SEC23A: variants seen among roughly 807,000 people sequenced by gnomAD.
SEC23A encodes protein transport protein Sec23A.
A neutral mutation model predicts 103.7 loss-of-function variants in SEC23A; 56 were observed. The ratio of observed to expected loss-of-function variants is 0.54; its 90% CI spans 0.44 to 0.67. The LOEUF (loss-of-function observed/expected upper bound fraction) is 0.67, where lower values mean the gene tolerates loss of function less well. SEC23A is among the 30% of genes least tolerant of loss of function. The pLI is 0.00. For missense variants in SEC23A, 784 were observed against 936.4 expected (o/e 0.84, Z 2.12); for synonymous variants, 281 against 293.0 (o/e 0.96, Z 0.42).
intron 7 of SEC23A, among the ~76,000 whole-genome samples, chr14:39,084,004 A>C (rs1423517126): frequency 6.6e-6 from 1 of 152,082 alleles, no homozygotes; most frequent in Non-Finnish European, 1.5e-5. Flanking sequence ...TTTTTAAAAA[A>C]CATTTTTAAA....
Position 39,094,393 on chromosome 14 carries a change from CACACATATAT to C in SEC23A, c.222-1159_222-1150del, listed in dbSNP as rs1199470251. 5.1e-3 allele frequency among the ~76,000 whole-genome samples: 122 copies of C among 23,950 alleles called. 21 individuals are homozygous for C. The highest frequency in any genetic ancestry group is 0.026 in the East Asian group (17 of 652). The allele number at this position is 23,950 out of a possible 152,430, so 15.7% of individuals were successfully genotyped here. On this transcript the variant is annotated intron_variant, in intron 2 of 19. Transcript: ENST00000307712. ...ATATATACACACACACACACACACA[CACACATATAT>C]ATATATATATATATATATATATATA...
chr14:39,080,369 A>G (rs1887182653), intron 7 of SEC23A, among the ~76,000 whole-genome samples: 2 of 152,236 alleles, frequency 1.3e-5, no homozygotes, highest in South Asian at 4.1e-4. Context: ...TGGCTGAAAT[A>G]AAAAGCAAGC....
intron 2 of SEC23A, among the ~76,000 whole-genome samples, chr14:39,094,120 A>G (rs1476451082): frequency 2.0e-5 from 3 of 151,342 alleles, no homozygotes; most frequent in Non-Finnish European, 1.5e-5. Flanking sequence ...CTCCTGGCTC[A>G]AGTGTTTCTC....
At chr14:39,049,598 G>A (rs533868176) in intron 14 of SEC23A, among the ~76,000 whole-genome samples, 11 of 151,666 alleles carry the variant, frequency 7.3e-5, no homozygotes, top group South Asian at 4.2e-4. Context: ...GCAACATAGC[G>A]AGATCCTGTC....
intron 2 of SEC23A, chr14:39,094,904 A>C: frequency 3.0e-6 from 2 of 661,256 alleles, no homozygotes; most frequent in Admixed American, 2.5e-5. Context: ...GGCTTTATAG[A>C]TCTTGATAAG....
intron 15 of SEC23A, among the ~76,000 whole-genome samples, chr14:39,046,826 A>T (rs1295584017): frequency 6.6e-6 from 1 of 152,158 alleles, no homozygotes; most frequent in African/African-American, 2.4e-5. Flanking sequence ...GATCAGCCAG[A>T]AAGTATTCCC....
In SEC23A at chr14:39,048,160, A is replaced by G. The variant is rs117578999; in HGVS notation, c.1737+492T>C. Among the ~76,000 whole-genome samples, 260 of 152,334 alleles carry G rather than the reference A, an allele frequency of 1.7e-3. 5 individuals carry two copies. The East Asian group carries it at 0.048, about 28-fold the overall frequency. Reference sequence around the variant, plus strand: ...CACCACAAATAAATGACTATTTGCAAGGCCAATATAAAAATATTATATACT... The same window carrying G: ...CACCACAAATAAATGACTATTTGCAGGGCCAATATAAAAATATTATATACT... On this transcript the variant is annotated intron_variant, in intron 15 of 19. Transcript: ENST00000307712.
At chr14:39,053,433 T>C (rs1383538396) in intron 14 of SEC23A, among the ~76,000 whole-genome samples, 1 of 151,878 alleles carries the variant, frequency 6.6e-6, no homozygotes. Flanking sequence ...AAACAAAAGA[T>C]CCACCTTGAA....
At chr14:39,074,384 T>C in intron 9 of SEC23A, 31 bp downstream of exon 9, 1 of 1,369,432 alleles carries the variant, frequency 7.3e-7, no homozygotes, top group Non-Finnish European at 1.0e-6. Context: ...TTGCTTATAA[T>C]TACAAAAACT....
intron 9 of SEC23A, among the ~76,000 whole-genome samples, chr14:39,068,476 A>C (rs1019968123): frequency 6.6e-6 from 1 of 152,230 alleles, no homozygotes; most frequent in African/African-American, 2.4e-5. Flanking sequence ...GTAACAACAA[A>C]AGTTTTTTTC....
At chr14:39,038,902 C>G in intron 19 of SEC23A, 129 bp downstream of exon 19, 2 of 829,894 alleles carry the variant, frequency 2.4e-6, no homozygotes, top group Non-Finnish European at 4.0e-6. Flanking sequence ...GTTTTCTACT[C>G]TCATTTTTAC....
At chr14:39,073,567 T>G (rs1382071783) in intron 9 of SEC23A, among the ~76,000 whole-genome samples, 1 of 149,802 alleles carries the variant, frequency 6.7e-6, no homozygotes, top group African/African-American at 2.5e-5. Flanking sequence ...GTGCTAGGAT[T>G]ACAGTTGGGA....
At chr14:39,096,325 G>A (rs1316523244) in intron 1 of SEC23A, among the ~76,000 whole-genome samples, 186 bp from the exon 2 acceptor site, 1 of 152,104 alleles carries the variant, frequency 6.6e-6, no homozygotes, top group African/African-American at 2.4e-5. Context: ...GAGGTCGGGA[G>A]TTCGAGACCA....
chr14:39,091,310 C>T lies in SEC23A; in HGVS notation c.603+167G>A, dbSNP rs901690877. 25 of 617,954 alleles carry T rather than the reference C, an allele frequency of 4.0e-5. 1 individual carries two copies. The South Asian group carries it at 4.6e-4, about 11-fold the overall frequency. The allele number at this position is 617,954 out of a possible 1,614,324, so 38.3% of individuals were successfully genotyped here. On this transcript the variant is annotated intron_variant, in intron 5 of 19. Transcript: ENST00000307712. ...GTTTAATCTGTATAACAATTTAAGG[C>T]ACATGAAAAGAAAACTGAAGCCAGC...
At chr14:39,049,246 G>C (rs1278675184) in intron 14 of SEC23A, among the ~76,000 whole-genome samples, 1 of 151,840 alleles carries the variant, frequency 6.6e-6, no homozygotes, top group African/African-American at 2.4e-5. Flanking sequence ...GGGAGGCCAA[G>C]GCGGGCGGAT....
chr14:39,065,101 C>A (rs896517016), intron 10 of SEC23A, 108 bp from the exon 11 acceptor site: 1 of 765,402 alleles, frequency 1.3e-6, no homozygotes, highest in South Asian at 1.4e-5. Context: ...AAACTCAAAG[C>A]CAATGAAAAT....
chr14:39,074,644 T>C (rs1886954074), intron 8 of SEC23A, 114 bp from the exon 9 acceptor site: 1 of 662,724 alleles, frequency 1.5e-6, no homozygotes, highest in Non-Finnish European at 2.7e-6. Flanking sequence ...ATTTAAATTA[T>C]GATTAGTTAT....
chr14:39,072,941 CA>C (rs1886888405), intron 9 of SEC23A, among the ~76,000 whole-genome samples: 2 of 152,142 alleles, frequency 1.3e-5, no homozygotes, highest in South Asian at 4.1e-4. Flanking sequence ...GACAGTTCCT[CA>C]AAATGTTAAG....
At chr14:39,040,419 C>G (rs1177716922) in intron 18 of SEC23A, 1 of 323,936 alleles carries the variant, frequency 3.1e-6, no homozygotes, top group Non-Finnish European at 5.8e-6. Context: ...AAGTATATTA[C>G]TTTCCAAGCT....
Sources: gnomAD v4.1 joint callset for allele counts (sites outside exome capture counted in the v4.1 genomes callset) on GRCh38, gnomAD v4.1.1 for gene constraint, MANE v1.5 for transcripts, NCBI Gene and HGNC (gene_info 2026-07-23, HGNC 2026-07-21) for gene names.